MEFV: variants seen among roughly 807,000 people sequenced by gnomAD.
The protein encoded by MEFV is MEFV innate immunity regulator, pyrin, also known as pyrin.
A neutral mutation model predicts 62.5 loss-of-function variants in MEFV; 60 were observed. The observed-to-expected ratio is 0.96, with a 90% CI of 0.78 to 1.19. The LOEUF is 1.19. Ranked by LOEUF, MEFV falls within the 50% of genes most tolerant of loss-of-function variation. The probability of loss-of-function intolerance (pLI) is 0.00; values close to 1 mark genes in which losing one functional copy is unlikely to be tolerated. For synonymous variants in MEFV, 500 were observed against 415.2 expected (o/e 1.20, Z -2.48); for missense variants, 1,169 against 1,004.5 (o/e 1.16, Z -2.21).
rs145078602 is a variant in MEFV at position 3,254,665 on chromosome 16, A to T, written c.403T>A (p.Tyr135Asn). Residue 135 changes from tyrosine (Y) to asparagine (N), a missense_variant, in exon 2 of 10, where the codon TAC (tyrosine) becomes AAC (asparagine). By Grantham distance (143) the Tyr-to-Asn change is moderately radical. Coordinates refer to ENST00000219596, the MANE Select transcript of MEFV (RefSeq NM_000243.3). The part of the protein sequence containing the change: ...EGNEGNGPRP[Y>N]GGGAASLRCS... ...CGCAGGCTGGCAGCTCCGCCCCCGT[A>T]CGGCCGAGGGCCGTTCCCCTCGTTC... 6.2e-6 allele frequency: 10 copies of T among 1,610,856 alleles called. No individual in the cohort carries two copies. The highest frequency in any genetic ancestry group is 6.8e-6 in the Non-Finnish European group (8 of 1,179,372).
At chr16:3,244,090 G>T (rs558698427) in intron 8 of MEFV, 164 bp downstream of exon 8, 13 of 1,551,884 alleles carry the variant, frequency 8.4e-6, no homozygotes, top group East Asian at 7.3e-5. Flanking sequence ...CTCAGTCAAT[G>T]AGTCACGCAC....
At chr16:3,248,765 T>TGGCTGCTGGTTACCCTC in intron 4 of MEFV, 144 bp downstream of exon 4, 1 of 1,562,798 alleles carries the variant, frequency 6.4e-7, no homozygotes, top group Non-Finnish European at 8.6e-7. Flanking sequence ...AGCTTACCCT[T>TGGCTGCTGGTTACCCTC]GGCTGCTGGT....
rs1959089462 is a variant in MEFV at position 3,254,656 on chromosome 16, C to T, written c.412G>A (p.Gly138Arg). The T allele has an allele frequency of 1.2e-6, 2 of 1,609,638 alleles. No individual in the cohort carries two copies. The highest frequency in any genetic ancestry group is 1.7e-6 in the Non-Finnish European group (2 of 1,178,784). The change falls in exon 2 of 10, where the codon GGA (glycine) becomes AGA (arginine). Residue 138 changes from glycine (G) to arginine (R), a missense_variant. Physicochemically the swap from Gly to Arg is moderately radical, Grantham distance 125. Coordinates refer to ENST00000219596, the MANE Select transcript of MEFV (RefSeq NM_000243.3). ...EGNGPRPYGG[G>R]AASLRCSQPE... ...TGGCTGCACCGCAGGCTGGCAGCTC[C>T]GCCCCCGTACGGCCGAGGGCCGTTC... is the stretch of plus-strand genomic sequence containing the variant.
chr16:3,250,129 G>C (rs1377242388), intron 2 of MEFV, among the ~76,000 whole-genome samples: 2 of 152,232 alleles, frequency 1.3e-5, no homozygotes, highest in African/African-American at 4.8e-5. Context: ...TTTGCCACTT[G>C]AACCCATCCC....
rs747193370 is a variant in MEFV, at chr16:3,254,219, C to T, written c.849G>A (p.Pro283=). The T allele has an allele frequency of 1.9e-6, 3 of 1,614,260 alleles. No homozygotes were observed. The highest frequency in any genetic ancestry group is 2.5e-6 in the Non-Finnish European group (3 of 1,180,042). Residue 283 remains proline (P), a synonymous_variant, in exon 2 of 10, where the codon CCG becomes CCA. Transcript: ENST00000219596. Reference sequence around the variant, plus strand: ...TCAGGTCCGCAGATGCCCCTCCATCCGGAGTGGGCCTTGCCCGGGGTTCTG... The same window carrying T: ...TCAGGTCCGCAGATGCCCCTCCATCTGGAGTGGGCCTTGCCCGGGGTTCTG... ...SATEPRARPT[P]DGGASADLKE... is the part of the protein sequence containing the mutation.
chr16:3,252,013 T>A, intron 2 of MEFV: 1 of 420,754 alleles, frequency 2.4e-6, no homozygotes, highest in Non-Finnish European at 4.8e-6. Context: ...GATCAGGAGT[T>A]CGAGACCAAC....
At chr16:3,248,552 T>TGCA (rs1567234016) in intron 4 of MEFV, 1 of 352,860 alleles carries the variant, frequency 2.8e-6, no homozygotes. Flanking sequence ...ATCACACCAC[T>TGCA]GCACTACAAC....
rs545517350 is a variant in MEFV, at chr16:3,243,337, C to A, written c.2150G>T (p.Arg717Leu). The A allele has an allele frequency of 7.4e-6, 12 of 1,614,080 alleles. No individual in the cohort carries two copies. In the Admixed American group the frequency reaches 1.0e-4, roughly 13 times the overall value. The change falls in exon 10 of 10, where the codon CGT becomes CTT. Residue 717 changes from arginine (R) to leucine (L), a missense_variant. Arg to Leu is a moderately radical substitution (Grantham distance 102). Transcript: ENST00000219596. ...TCTGTAGTCCACGAAGATGCCCACACGCTTGGGAGGCTCCTTTATTAGCAG... is the reference window on the plus strand; with the variant it reads ...TCTGTAGTCCACGAAGATGCCCACAAGCTTGGGAGGCTCCTTTATTAGCAG... ...TRLLIKEPPK[R>L]VGIFVDYRVG... is the part of the protein sequence containing the mutation.
At chr16:3,246,264 G>C (rs1024560136) in intron 6 of MEFV, 6 of 551,416 alleles carry the variant, frequency 1.1e-5, no homozygotes, top group Non-Finnish European at 1.6e-5. Flanking sequence ...TTCTTAGGGA[G>C]CCTCCATCTT....
intron 5 of MEFV, 105 bp downstream of exon 5, chr16:3,246,911 G>C: frequency 8.9e-7 from 1 of 1,121,580 alleles, no homozygotes. Flanking sequence ...CTAGGCCTTA[G>C]GGGCTTCACC....
intron 5 of MEFV, 115 bp downstream of exon 5, chr16:3,246,901 C>T (rs1407190121): frequency 6.9e-6 from 7 of 1,021,742 alleles, no homozygotes; most frequent in Non-Finnish European, 1.1e-5. Flanking sequence ...AAGTCCTATC[C>T]TAGGCCTTAG....
chr16:3,245,642 A>AAGAG (rs141386847), intron 6 of MEFV, among the ~76,000 whole-genome samples: 19,324 of 151,358 alleles, frequency 0.13, 1,519 homozygotes, highest in Admixed American at 0.19. Context: ...TTCAAAAAAA[A>AAGAG]AGAGAGAGAG....
Position 3,243,673 on chromosome 16 carries a change from T to C in MEFV, c.1814A>G (p.Glu605Gly), listed in dbSNP as rs1238347216. Residue 605 changes from glutamate (E) to glycine (G), a missense_variant, in exon 10 of 10, where the codon GAA becomes GGA. Physicochemically the swap from Glu to Gly is moderately conservative, Grantham distance 98 (BLOSUM62 -2). Coordinates refer to ENST00000219596, the MANE Select transcript of MEFV (RefSeq NM_000243.3). ...AHAVNVILDA[E>G]TAYPNLIFSD... ...GAAGATGAGGTTGGGGTAAGCGGTT[T>C]CTGCATCCAGAATCACATTAACTGC... The C allele has an allele frequency of 1.2e-6, 2 of 1,608,138 alleles. No homozygotes were observed. Among genetic ancestry groups the C allele is most frequent in the South Asian group, 1.1e-5 (1 of 90,340 alleles).
chr16:3,254,582 T>G lies in MEFV; in HGVS notation c.486A>C (p.Arg162Ser). 6.3e-7 allele frequency: 1 copy of G among 1,589,040 alleles called. No individual in the cohort carries two copies. Among genetic ancestry groups the G allele is most frequent in the South Asian group, 1.1e-5 (1 of 89,612 alleles). The change falls in exon 2 of 10, where the codon AGA becomes AGC. Residue 162 changes from arginine (R) to serine (S), a missense_variant. Transcript: ENST00000219596. ...CGTCCAGGCCCTCCGAGGCCTTCTC[T>G]CTGCGTTTGCTCAGGGGCTTCCTCG... is the stretch of plus-strand genomic sequence containing the variant. ...GLSRKPLSKR[R>S]EKASEGLDAQ...
rs778686119 is a variant in MEFV at position 3,247,197 on chromosome 16, A to G, written c.1406T>C (p.Val469Ala). ...CTCTTGCTGCTCCAGGAAGTAGTAC[A>G]CCTGCTCCAGCTTCCTCTGCACCCG... ...KQRVQRKLEQ[V>A]YYFLEQQEHF... is the part of the protein sequence containing the mutation. The change falls in exon 5 of 10, where the codon GTG (valine) becomes GCG (alanine). Residue 469 changes from valine to alanine, a missense_variant. Coordinates refer to ENST00000219596, the MANE Select transcript of MEFV (RefSeq NM_000243.3). 51 of 1,613,980 alleles carry G rather than the reference A, an allele frequency of 3.2e-5. No homozygotes were observed. Among genetic ancestry groups the G allele is most frequent in the Non-Finnish European group, 4.2e-5 (49 of 1,180,026 alleles).
At chr16:3,256,241 T>A in intron 1 of MEFV, 70 bp downstream of exon 1, 1 of 1,559,340 alleles carries the variant, frequency 6.4e-7, no homozygotes, top group South Asian at 1.2e-5. Flanking sequence ...TGCTCTGAGC[T>A]CCTGGTCCCC....
At chr16:3,246,605 C>G (rs1302458306) in intron 5 of MEFV, 58 bp from the exon 6 acceptor site, 1 of 1,604,790 alleles carries the variant, frequency 6.2e-7, no homozygotes, top group African/African-American at 1.3e-5. Context: ...TGGGCTGACT[C>G]CTGGCCTCTA....
intron 1 of MEFV, 92 bp from the exon 2 acceptor site, chr16:3,254,882 A>G (rs1959093930): frequency 2.5e-6 from 4 of 1,591,306 alleles, no homozygotes; most frequent in Admixed American, 1.7e-5. Flanking sequence ...CTTGGATATT[A>G]AAGTTTAGAA....
At position 3,253,526 on chromosome 16, in the gene MEFV, G is replaced by A. The variant is rs546343753; in HGVS notation, c.910+632C>T. 4.6e-5 allele frequency among the ~76,000 whole-genome samples: 7 copies of A among 151,948 alleles called. No individual in the cohort carries two copies. The South Asian group carries it at 1.2e-3, about 27-fold the overall frequency. On this transcript the variant is annotated intron_variant, in intron 2 of 9. Coordinates refer to ENST00000219596, the MANE Select transcript of MEFV (RefSeq NM_000243.3). Reference sequence around the variant, plus strand: ...CTTTCTTTTTTTTTCCCCCCAAAATGTTTAAGAGACAGGGTCTTGCTCTGT... The same window carrying A: ...CTTTCTTTTTTTTTCCCCCCAAAATATTTAAGAGACAGGGTCTTGCTCTGT...
Sources: allele counts gnomAD v4.1 joint callset (sites outside exome capture counted in the v4.1 genomes callset), GRCh38; gene constraint gnomAD v4.1.1; transcripts MANE v1.5; gene names NCBI Gene and HGNC (gene_info 2026-07-23, HGNC 2026-07-21).